MRTFB: variants seen among roughly 807,000 people sequenced by gnomAD.
The protein encoded by MRTFB is myocardin-related transcription factor B.
In MRTFB, 29 loss-of-function variants were observed where a neutral mutation model predicts 104.2. The ratio of observed to expected loss-of-function variants is 0.28; its 90% CI spans 0.21 to 0.38. The LOEUF is 0.38. Among genes scored for constraint, MRTFB ranks in the 10% least tolerant of loss-of-function variants. The pLI is 1.00. For synonymous variants in MRTFB, 535 were observed against 519.5 expected (o/e 1.03, Z -0.41); for missense variants, 1,270 against 1,341.6 (o/e 0.95, Z 0.83).
intron 3 of MRTFB, among the ~76,000 whole-genome samples, chr16:14,196,077 G>A (rs528640816): frequency 4.6e-4 from 70 of 152,318 alleles, no homozygotes; most frequent in Non-Finnish European, 8.8e-4. Context: ...CATATCACAA[G>A]AAGCATACTT....
the MRTFB span, among the ~76,000 whole-genome samples, chr16:14,044,045 C>T: frequency 6.6e-6 from 1 of 152,208 alleles, no homozygotes; most frequent in Non-Finnish European, 1.5e-5. Flanking sequence ...ATGACTTCTG[C>T]CATTTAGGTG....
intron 2 of MRTFB, among the ~76,000 whole-genome samples, chr16:14,116,279 C>T (rs965082088): frequency 1.3e-5 from 2 of 152,056 alleles, no homozygotes; most frequent in Non-Finnish European, 2.9e-5. Context: ...CGTCCCTTTT[C>T]TAACTCATCT....
chr16:14,113,512 C>T (rs1482448597), intron 2 of MRTFB, among the ~76,000 whole-genome samples: 1 of 152,152 alleles, frequency 6.6e-6, no homozygotes, highest in Admixed American at 6.5e-5. Flanking sequence ...TAGGTGATTT[C>T]AGAATTCAGG....
the MRTFB span, among the ~76,000 whole-genome samples, chr16:14,053,768 C>T: frequency 2.0e-5 from 3 of 150,770 alleles, no homozygotes; most frequent in Admixed American, 6.6e-5. Context: ...TGGTGGAGGG[C>T]ATCTGTGGTC....
the MRTFB span, among the ~76,000 whole-genome samples, chr16:14,060,466 G>A: frequency 3.9e-5 from 6 of 151,962 alleles, no homozygotes; most frequent in Non-Finnish European, 5.9e-5. Flanking sequence ...ACTTCATTTC[G>A]CAGGTTTCAG....
chr16:14,086,481 T>C (rs1385242618), intron 2 of MRTFB, among the ~76,000 whole-genome samples: 1 of 152,184 alleles, frequency 6.6e-6, no homozygotes, highest in Non-Finnish European at 1.5e-5. Context: ...TAATAAATAA[T>C]CCAAAATTAA....
chr16:14,133,135 A>G (rs1022409959), intron 2 of MRTFB, among the ~76,000 whole-genome samples: 4 of 152,248 alleles, frequency 2.6e-5, no homozygotes, highest in African/African-American at 9.6e-5. Flanking sequence ...ACTTTAAAGA[A>G]GCAAAAACTC....
chr16:14,171,126 A>T (rs2039408268), intron 3 of MRTFB, among the ~76,000 whole-genome samples: 1 of 152,218 alleles, frequency 6.6e-6, no homozygotes, highest in South Asian at 2.1e-4. Flanking sequence ...CTGGCACAAC[A>T]AAATGTTCTA....
chr16:13,995,181 G>A, the MRTFB span, among the ~76,000 whole-genome samples: 1 of 152,210 alleles, frequency 6.6e-6, no homozygotes, highest in Admixed American at 6.5e-5. Flanking sequence ...ATGTCCCCCA[G>A]TAAGGAGGCC....
At chr16:14,090,198 G>C (rs576475278) in intron 2 of MRTFB, among the ~76,000 whole-genome samples, 4 of 152,184 alleles carry the variant, frequency 2.6e-5, no homozygotes, top group East Asian at 1.9e-4. Flanking sequence ...TTCTCTCTCT[G>C]TTGGAAATTT....
chr16:14,188,352 A>G (rs1383199821), intron 3 of MRTFB, among the ~76,000 whole-genome samples: 1 of 152,214 alleles, frequency 6.6e-6, no homozygotes, highest in Non-Finnish European at 1.5e-5. Flanking sequence ...TCAAGCTCCT[A>G]ATAATACCAT....
chr16:14,012,528 G>A, the MRTFB span, among the ~76,000 whole-genome samples: 1 of 151,944 alleles, frequency 6.6e-6, no homozygotes, highest in Non-Finnish European at 1.5e-5. Context: ...TCGATCTCCT[G>A]ACCTCGAGAT....
In MRTFB at chr16:14,261,586, C is replaced by A; in HGVS notation, c.*142C>A. Reference sequence around the variant, plus strand: ...GAAAGAATAGGTGGAAGGTCATAGCCTGGAACCCAAGTTTGAAAACATTTC... The same window carrying A: ...GAAAGAATAGGTGGAAGGTCATAGCATGGAACCCAAGTTTGAAAACATTTC... On this transcript the variant is annotated 3_prime_UTR_variant, in exon 17 of 17. Transcript: ENST00000571589. 1 of 830,758 alleles carries A rather than the reference C, an allele frequency of 1.2e-6. No individual in the cohort carries two copies. Among genetic ancestry groups the A allele is most frequent in the Non-Finnish European group, 1.8e-6 (1 of 552,248 alleles). 51.5% of individuals were successfully genotyped at this position (830,758 alleles called of 1,614,324 possible). A position where few individuals can be genotyped will look rare whatever the true frequency, so the allele number is the denominator to read the frequency against.
intron 8 of MRTFB, among the ~76,000 whole-genome samples, chr16:14,230,187 A>T (rs1440275819): frequency 6.6e-6 from 1 of 152,186 alleles, no homozygotes; most frequent in African/African-American, 2.4e-5. Context: ...CCCTAGAAGA[A>T]AACCTAGGCA....
intron 3 of MRTFB, among the ~76,000 whole-genome samples, chr16:14,194,017 A>G (rs1338717009): frequency 2.0e-5 from 3 of 152,184 alleles, no homozygotes; most frequent in Non-Finnish European, 4.4e-5. Flanking sequence ...CATCTGTACT[A>G]TCATAACACC....
chr16:14,039,189 G>T, the MRTFB span, among the ~76,000 whole-genome samples: 1 of 152,194 alleles, frequency 6.6e-6, no homozygotes, highest in African/African-American at 2.4e-5. Flanking sequence ...CTTTCAGGTG[G>T]CTCTAGTAAG....
At chr16:14,135,462 T>G (rs760764865) in intron 2 of MRTFB, among the ~76,000 whole-genome samples, 1 of 152,250 alleles carries the variant, frequency 6.6e-6, no homozygotes, top group Non-Finnish European at 1.5e-5. Flanking sequence ...TACAGGTTTT[T>G]GTAGCCTACT....
the MRTFB span, among the ~76,000 whole-genome samples, chr16:14,012,251 C>CAAG: frequency 1.0e-4 from 15 of 145,138 alleles, no homozygotes; most frequent in South Asian, 3.0e-3. Flanking sequence ...TTTTTTGAGA[C>CAAG]AGAGTCTCGG....
At chr16:14,118,686 C>G (rs1170363291) in intron 2 of MRTFB, among the ~76,000 whole-genome samples, 1 of 151,324 alleles carries the variant, frequency 6.6e-6, no homozygotes, top group African/African-American at 2.4e-5. Flanking sequence ...CCTGTACACA[C>G]TATTGATATA....
Sources: allele counts gnomAD v4.1 joint callset (sites outside exome capture counted in the v4.1 genomes callset), GRCh38; gene constraint gnomAD v4.1.1; transcripts MANE v1.5; gene names NCBI Gene and HGNC (gene_info 2026-07-23, HGNC 2026-07-21).